Variants in ZNF578 observed in about 807,000 individuals in gnomAD.
ZNF578 encodes the protein zinc finger protein 578, also known as Putative chemokine-related protein B42.
A neutral mutation model predicts 8.3 loss-of-function variants in ZNF578; 8 were observed. The ratio of observed to expected loss-of-function variants is 0.96; its 90% CI spans 0.56 to 1.74. The LOEUF is 1.74. ZNF578 is among the 40% of genes most tolerant of loss of function. The pLI, the probability that ZNF578 is intolerant of heterozygous loss-of-function variation, is 0.00. For missense variants in ZNF578, 726 were observed against 707.5 expected, an observed-to-expected ratio of 1.03 and a Z score of -0.30; for synonymous variants, 206 against 232.2, an observed-to-expected ratio of 0.89 and a Z score of 1.03.
intron 2 of ZNF578, among the ~76,000 whole-genome samples, chr19:52,464,265 T>C (rs1299133235): frequency 6.6e-6 from 1 of 152,192 alleles, no homozygotes; most frequent in African/African-American, 2.4e-5. Context: ...TCCTAATGAC[T>C]TGGGCTTGCT....
At chr19:52,508,348 G>T (rs2059432420) in intron 5 of ZNF578, among the ~76,000 whole-genome samples, 1 of 138,242 alleles carries the variant, frequency 7.2e-6, no homozygotes, top group Non-Finnish European at 1.6e-5. Flanking sequence ...CATCACAAAA[G>T]AAATAGAGAG....
chr19:52,495,864 G>T (rs1031822408), intron 3 of ZNF578, among the ~76,000 whole-genome samples: 2 of 152,060 alleles, frequency 1.3e-5, no homozygotes, highest in Non-Finnish European at 2.9e-5. Flanking sequence ...CCTTTTCATG[G>T]CTGGGGTCGG....
chr19:52,496,240 A>G (rs2059385794), intron 3 of ZNF578, among the ~76,000 whole-genome samples: 1 of 151,270 alleles, frequency 6.6e-6, no homozygotes, highest in Admixed American at 6.6e-5. Context: ...TGGTTCTTGA[A>G]CTCATGACCT....
Position 52,510,877 on chromosome 19 carries a change from G to C in ZNF578, c.496G>C (p.Glu166Gln), listed in dbSNP as rs756692592. 3 of 1,614,160 alleles carry C rather than the reference G, an allele frequency of 1.9e-6. No homozygotes were observed. The East Asian group carries it at 6.7e-5, about 36-fold the overall frequency. Residue 166 changes from glutamate to glutamine, a missense_variant, in exon 6 of 6, where the codon GAA becomes CAA. By Grantham distance (29) the Glu-to-Gln change is conservative. Coordinates refer to ENST00000421239, the MANE Select transcript of ZNF578 (RefSeq NM_001099694.2). ...LGLSFHLHLP[E>Q]LHIFQPEEKI... ...ATTAAGCTTTCATTTGCATCTTCCTGAACTCCACATATTTCAGCCCGAAGA... is the reference window on the plus strand; with the variant it reads ...ATTAAGCTTTCATTTGCATCTTCCTCAACTCCACATATTTCAGCCCGAAGA...
At position 52,516,147 on chromosome 19, in the gene ZNF578, C is replaced by G. The variant is rs1002124072; in HGVS notation, c.*3993C>G. On this transcript the variant is annotated 3_prime_UTR_variant, in exon 6 of 6. Coordinates refer to ENST00000421239, the MANE Select transcript of ZNF578 (RefSeq NM_001099694.2). ...TTGTCCCTGCTCTTACCCTATGTAC[C>G]CTGTCCCTTTCTCCTCCTTCAGGTC... 9.9e-5 allele frequency among the ~76,000 whole-genome samples: 15 copies of G among 152,160 alleles called. No homozygotes were observed. The highest frequency in any genetic ancestry group is 3.4e-4 in the African/African-American group (14 of 41,430).
chr19:52,454,619 T>C (rs543559492), intron 1 of ZNF578: 3 of 142,032 alleles, frequency 2.1e-5, no homozygotes, highest in Admixed American at 1.4e-4. Context: ...GATAGACAGA[T>C]GGAATAGCAG....
In ZNF578 at chr19:52,515,093, A is replaced by G. The variant is rs1376797984; in HGVS notation, c.*2939A>G. ...TTTCTCCTGCCTCATCCTACTGAGT[A>G]GTTGGGATTACAGGTGCCCTCCACC... On this transcript the variant is annotated 3_prime_UTR_variant, in exon 6 of 6. Transcript: ENST00000421239. 6.7e-6 allele frequency among the ~76,000 whole-genome samples: 1 copy of G among 149,970 alleles called. No individual in the cohort carries two copies. Among genetic ancestry groups the G allele is most frequent in the Non-Finnish European group, 1.5e-5 (1 of 67,806 alleles).
rs563073741 is a variant in ZNF578 at position 52,504,722 on chromosome 19, C to A, written c.131C>A (p.Ala44Glu). 1 of 1,614,112 alleles carries A rather than the reference C, an allele frequency of 6.2e-7. No homozygotes were observed. Among genetic ancestry groups the A allele is most frequent in the African/African-American group, 1.3e-5 (1 of 75,022 alleles). The change falls in exon 5 of 6, where the codon GCG becomes GAG. Residue 44 changes from alanine to glutamate, a missense_variant. Coordinates refer to ENST00000421239, the MANE Select transcript of ZNF578 (RefSeq NM_001099694.2). ...GCAGAGTGGAAATTCCTGAACCCTG[C>A]GCAGAGGGCTTTGTACAGGGAAGTG... is the stretch of plus-strand genomic sequence containing the variant. ...SLAEWKFLNP[A>E]QRALYREVML... is the part of the protein sequence containing the mutation.
chr19:52,477,732 A>G (rs2059312642), intron 2 of ZNF578, among the ~76,000 whole-genome samples: 1 of 152,146 alleles, frequency 6.6e-6, no homozygotes. Context: ...GCTCTGAGAA[A>G]ATTTCCCAAG....
chr19:52,500,110 C>T (rs112341736), intron 3 of ZNF578, among the ~76,000 whole-genome samples: 14 of 152,248 alleles, frequency 9.2e-5, no homozygotes, highest in African/African-American at 3.4e-4. Context: ...TCATCTTCTC[C>T]GGGTCTCCTT....
intron 1 of ZNF578, chr19:52,455,193 C>CTTTTTTTTTTTTTTTT (rs10607252): frequency 2.0e-5 from 2 of 98,400 alleles, no homozygotes; most frequent in African/African-American, 7.9e-5. Flanking sequence ...GCCTTTCTAT[C>CTTTTTTTTTTTTTTTT]TTTTTTTTTT....
intron 2 of ZNF578, among the ~76,000 whole-genome samples, chr19:52,488,290 C>T (rs1470437248): frequency 6.6e-6 from 1 of 151,772 alleles, no homozygotes; most frequent in Non-Finnish European, 1.5e-5. Flanking sequence ...TGCGGTGGCT[C>T]ACACCTGTAA....
chr19:52,475,251 T>G, intron 2 of ZNF578: 1 of 221,026 alleles, frequency 4.5e-6, no homozygotes, highest in Non-Finnish European at 9.8e-6. Flanking sequence ...ATGTGTGTTT[T>G]CTGTTCTTGT....
intron 2 of ZNF578, among the ~76,000 whole-genome samples, chr19:52,487,688 T>TG (rs568217048): frequency 9.9e-5 from 15 of 152,152 alleles, no homozygotes; most frequent in African/African-American, 2.2e-4. Flanking sequence ...TGGAGTGCAG[T>TG]GCGTGATCTC....
chr19:52,508,284 C>A (rs935384602), intron 5 of ZNF578, among the ~76,000 whole-genome samples: 2 of 150,024 alleles, frequency 1.3e-5, no homozygotes, highest in African/African-American at 4.9e-5. Flanking sequence ...GGCAAAGTTG[C>A]AGTGAGCCGA....
chr19:52,457,166 T>A (rs1201117776), intron 2 of ZNF578: 1 of 152,508 alleles, frequency 6.6e-6, no homozygotes, highest in Non-Finnish European at 1.5e-5. Context: ...ACTCTGATGC[T>A]CCCCAGCCTT....
intron 3 of ZNF578, among the ~76,000 whole-genome samples, chr19:52,494,782 C>T (rs920180129): frequency 5.9e-5 from 9 of 151,756 alleles, no homozygotes; most frequent in Admixed American, 2.0e-4. Context: ...GGAAGTGGGG[C>T]AGTGATGTGG....
chr19:52,462,515 AT>A (rs1384283574), intron 2 of ZNF578, among the ~76,000 whole-genome samples: 1 of 152,194 alleles, frequency 6.6e-6, no homozygotes, highest in African/African-American at 2.4e-5. Flanking sequence ...AATAGGTATA[AT>A]TTTGGTCTGC....
intron 2 of ZNF578, among the ~76,000 whole-genome samples, chr19:52,472,414 C>T (rs2059294782): frequency 1.3e-5 from 2 of 152,190 alleles, no homozygotes; most frequent in Non-Finnish European, 2.9e-5. Flanking sequence ...TATTCAAGAA[C>T]ATGCTATATT....
Sources: gnomAD v4.1 joint callset for allele counts (sites outside exome capture counted in the v4.1 genomes callset) on GRCh38, gnomAD v4.1.1 for gene constraint, MANE v1.5 for transcripts, NCBI Gene and HGNC (gene_info 2026-07-23, HGNC 2026-07-21) for gene names.